GPC6: variants seen among roughly 807,000 people sequenced by gnomAD.
The protein encoded by GPC6 is glypican-6.
In GPC6, 14 loss-of-function variants were observed where a neutral mutation model predicts 55.2. That is an observed-to-expected ratio of 0.25 (90% CI 0.17 to 0.40). GPC6 has a LOEUF of 0.40. Ranked by LOEUF, GPC6 falls within the 10% of genes least tolerant of loss-of-function variation. The probability of loss-of-function intolerance (pLI) is 1.00; values close to 1 mark genes in which losing one functional copy is unlikely to be tolerated. For missense variants in GPC6, 641 were observed against 708.5 expected, an observed-to-expected ratio of 0.90 and a Z score of 1.08; for synonymous variants, 278 against 259.6, an observed-to-expected ratio of 1.07 and a Z score of -0.68.
chr13:94,204,853 G>T (rs778980612), intron 4 of GPC6, among the ~76,000 whole-genome samples: 1 of 152,150 alleles, frequency 6.6e-6, no homozygotes, highest in Admixed American at 6.6e-5. Context: ...TATATTCAAT[G>T]AATCTTTCTT....
chr13:94,126,009 A>G (rs549019426), intron 4 of GPC6, among the ~76,000 whole-genome samples: 11 of 152,260 alleles, frequency 7.2e-5, no homozygotes, highest in Admixed American at 4.6e-4. Flanking sequence ...GTGTATGGAA[A>G]ATTTTAAACA....
intron 3 of GPC6, among the ~76,000 whole-genome samples, chr13:93,965,704 A>G (rs1386850299): frequency 2.6e-5 from 4 of 152,212 alleles, no homozygotes; most frequent in Admixed American, 2.0e-4. Flanking sequence ...TCTGCCAGAT[A>G]TGTGTAGACA....
intron 3 of GPC6, among the ~76,000 whole-genome samples, chr13:93,910,281 A>C (rs76492219): frequency 0.017 from 2,606 of 152,220 alleles, 65 homozygotes; most frequent in African/African-American, 0.059. Context: ...TGCACCAGCT[A>C]TCTTTCTCTT....
intron 6 of GPC6, among the ~76,000 whole-genome samples, chr13:94,348,655 A>ATG (rs1469523991): frequency 6.6e-6 from 1 of 152,156 alleles, no homozygotes; most frequent in Non-Finnish European, 1.5e-5. Flanking sequence ...GTGGTCTAGG[A>ATG]TGGGGCTTTC....
chr13:93,701,552 A>C (rs1286013072), intron 2 of GPC6, among the ~76,000 whole-genome samples: 1 of 152,104 alleles, frequency 6.6e-6, no homozygotes, highest in Non-Finnish European at 1.5e-5. Flanking sequence ...AAAGAAAACA[A>C]TGAAGTTTCC....
At chr13:93,871,176 G>A (rs947917146) in intron 3 of GPC6, among the ~76,000 whole-genome samples, 1 of 151,858 alleles carries the variant, frequency 6.6e-6, no homozygotes, top group African/African-American at 2.4e-5. Flanking sequence ...CTGTCTGCAC[G>A]TTTCTGAATT....
intron 2 of GPC6, among the ~76,000 whole-genome samples, chr13:93,783,172 A>G (rs1885709435): frequency 1.3e-5 from 2 of 152,176 alleles, no homozygotes; most frequent in South Asian, 2.1e-4. Flanking sequence ...ATGGCTGCAT[A>G]GTATTCCATG....
At chr13:93,898,940 A>AATATATATATAT (rs66531953) in intron 3 of GPC6, among the ~76,000 whole-genome samples, 225 of 136,622 alleles carry the variant, frequency 1.6e-3, no homozygotes, top group East Asian at 9.8e-3. Context: ...ATTATATATA[A>AATATATATATAT]ATATATATAT....
At position 93,244,321 on chromosome 13, in the gene GPC6, C is replaced by T. The variant is rs150887476; in HGVS notation, c.160+16705C>T. On this transcript the variant is annotated intron_variant, in intron 1 of 8. Transcript: ENST00000377047. ...TGCAAGACTGCCACACACTGCAAGACTTCCCCCGCAAGACAGAAACCGCAG... is the reference window on the plus strand; with the variant it reads ...TGCAAGACTGCCACACACTGCAAGATTTCCCCCGCAAGACAGAAACCGCAG... Among the ~76,000 whole-genome samples, 12 of 152,340 alleles carry T rather than the reference C, an allele frequency of 7.9e-5. 1 individual carries two copies. The highest frequency in any genetic ancestry group is 1.6e-4 in the Non-Finnish European group (11 of 68,040).
At position 94,044,907 on chromosome 13, in the gene GPC6, C is replaced by T. The variant is rs181642837; in HGVS notation, c.877+17013C>T. Among the ~76,000 whole-genome samples, 10 of 151,582 alleles carry T rather than the reference C, an allele frequency of 6.6e-5. No individual in the cohort carries two copies. In the East Asian group the frequency reaches 1.4e-3, roughly 21 times the overall value. ...TGAACAAATTAACACCTTTTTTTAA[C>T]GTGCCGTATCATATAAAGGATTTTT... On this transcript the variant is annotated intron_variant, in intron 4 of 8. Coordinates refer to ENST00000377047, the MANE Select transcript of GPC6 (RefSeq NM_005708.5).
chr13:93,939,601 C>T (rs1025418100), intron 3 of GPC6, among the ~76,000 whole-genome samples: 7 of 151,638 alleles, frequency 4.6e-5, no homozygotes, highest in Non-Finnish European at 1.0e-4. Context: ...ACAGATGAGC[C>T]ACAGAAAAGC....
intron 2 of GPC6, among the ~76,000 whole-genome samples, chr13:93,701,470 C>G (rs1882669378): frequency 6.6e-6 from 1 of 151,888 alleles, no homozygotes; most frequent in African/African-American, 2.4e-5. Context: ...GGTATTGTCT[C>G]AGTGTTGAGG....
chr13:93,628,735 A>G (rs534060376), intron 2 of GPC6, among the ~76,000 whole-genome samples: 1 of 152,334 alleles, frequency 6.6e-6, no homozygotes, highest in South Asian at 2.1e-4. Flanking sequence ...CGGATTTTGG[A>G]TTAATATATT....
intron 4 of GPC6, among the ~76,000 whole-genome samples, chr13:94,119,375 G>A (rs545032326): frequency 5.3e-5 from 8 of 152,096 alleles, no homozygotes; most frequent in Admixed American, 6.6e-5. Context: ...GGGGATGTTT[G>A]CTCCTTTAAA....
At chr13:94,115,518 C>T (rs1323395338) in intron 4 of GPC6, among the ~76,000 whole-genome samples, 2 of 152,110 alleles carry the variant, frequency 1.3e-5, no homozygotes. Context: ...TTTACGTAGT[C>T]ACAGAGAACA....
At chr13:93,465,818 C>T (rs1285811281) in intron 1 of GPC6, among the ~76,000 whole-genome samples, 4 of 152,174 alleles carry the variant, frequency 2.6e-5, no homozygotes, top group Admixed American at 6.6e-5. Flanking sequence ...GTGCCTTAAT[C>T]GCTAAGCTTA....
intron 4 of GPC6, among the ~76,000 whole-genome samples, chr13:94,217,634 T>C (rs919493352): frequency 6.6e-6 from 1 of 152,158 alleles, no homozygotes; most frequent in African/African-American, 2.4e-5. Context: ...ATGGAAAAAT[T>C]CAAGCTCAAA....
chr13:93,362,587 G>A (rs1378173110), intron 1 of GPC6, among the ~76,000 whole-genome samples: 1 of 152,026 alleles, frequency 6.6e-6, no homozygotes, highest in Non-Finnish European at 1.5e-5. Flanking sequence ...AGTACTGTCA[G>A]GCACTTAATA....
intron 3 of GPC6, among the ~76,000 whole-genome samples, chr13:94,012,966 G>A (rs968286311): frequency 2.6e-5 from 4 of 152,076 alleles, no homozygotes; most frequent in African/African-American, 4.8e-5. Context: ...CTGATGAGAC[G>A]CTTAGGGATC....
Sources: gnomAD v4.1 joint callset for allele counts (sites outside exome capture counted in the v4.1 genomes callset) on GRCh38, gnomAD v4.1.1 for gene constraint, MANE v1.5 for transcripts, NCBI Gene and HGNC (gene_info 2026-07-23, HGNC 2026-07-21) for gene names.